Variants in AMDHD2 observed in about 807,000 individuals in gnomAD.
AMDHD2 encodes the protein amidohydrolase domain containing 2.
AMDHD2 carries 24 observed loss-of-function variants against 41.8 expected under a neutral mutation model. That is an observed-to-expected ratio of 0.57 (90% confidence interval 0.42 to 0.81). The LOEUF is 0.81. Ranked by LOEUF, AMDHD2 falls within the 30% of genes least tolerant of loss-of-function variation. The pLI, the probability that AMDHD2 is intolerant of heterozygous loss-of-function variation, is 0.00. For synonymous variants in AMDHD2, 332 were observed against 255.5 expected, an observed-to-expected ratio of 1.30 and a Z score of -2.85; for missense variants, 540 against 588.5, an observed-to-expected ratio of 0.92 and a Z score of 0.85.
chr16:2,529,766 T>A lies in AMDHD2; in HGVS notation c.*203T>A. 1.4e-6 allele frequency: 2 copies of A among 1,430,220 alleles called. No individual in the cohort carries two copies. Among genetic ancestry groups the A allele is most frequent in the East Asian group, 2.5e-5 (1 of 39,898 alleles). The allele number at this position is 1,430,220 out of a possible 1,614,324, so 88.6% of individuals were successfully genotyped here. The stretch of plus-strand genomic sequence containing the variant: ...GCTCCGGGTTTTGCTTGTGCTCACA[T>A]GTGGCACCATCCTTGGTTGCCCTCC... On this transcript the variant is annotated 3_prime_UTR_variant, in exon 11 of 11. Coordinates refer to ENST00000293971, the MANE Select transcript of AMDHD2 (RefSeq NM_001330449.2).
At chr16:2,522,085 G>A (rs991191092) in intron 3 of AMDHD2, among the ~76,000 whole-genome samples, 4 of 151,972 alleles carry the variant, frequency 2.6e-5, no homozygotes, top group Non-Finnish European at 2.9e-5. Flanking sequence ...CGCCCGGCCA[G>A]TTTTTGTTAT....
At position 2,528,144 on chromosome 16, in the gene AMDHD2, T is replaced by C; in HGVS notation, c.713T>C (p.Leu238Pro). Reference protein sequence around the residue: ...TFITHLFNAMLPFHHRDPGIV... With the variant: ...TFITHLFNAMPPFHHRDPGIV... ...ATCACCCACCTCTTCAACGCCATGC[T>C]GCCTGTGAGTGCTATGGGGCCCCAG... The change falls in exon 6 of 11, where the codon CTG becomes CCG. Residue 238 changes from leucine to proline, a missense_variant. Coordinates refer to ENST00000293971, the MANE Select transcript of AMDHD2 (RefSeq NM_001330449.2). 1 of 1,613,024 alleles carries C rather than the reference T, an allele frequency of 6.2e-7. No homozygotes were observed. Among genetic ancestry groups the C allele is most frequent in the Non-Finnish European group, 8.5e-7 (1 of 1,179,838 alleles).
At position 2,529,389 on chromosome 16, in the gene AMDHD2, A is replaced by C. The variant is rs553849116; in HGVS notation, c.1142-86A>C. ...CGTGTCCCTGGGCCTCAGTTTCCCC[A>C]CCAGCGTCGGGTTGTTGGGGAGCAG... On this transcript the variant is annotated intron_variant, in intron 10 of 10. Coordinates refer to ENST00000293971, the MANE Select transcript of AMDHD2 (RefSeq NM_001330449.2). The C allele has an allele frequency of 3.2e-6, 5 of 1,580,900 alleles. No individual in the cohort carries two copies. The South Asian group carries it at 4.5e-5, about 14-fold the overall frequency.
chr16:2,529,050 G>C lies in AMDHD2; in HGVS notation c.1096G>C (p.Gly366Arg). 1 of 1,600,066 alleles carries C rather than the reference G, an allele frequency of 6.2e-7. No homozygotes were observed. The highest frequency in any genetic ancestry group is 8.5e-7 in the Non-Finnish European group (1 of 1,173,996). The change falls in exon 10 of 11, where the codon GGG becomes CGG. Residue 366 changes from glycine (G) to arginine (R), a missense_variant. Coordinates refer to ENST00000293971, the MANE Select transcript of AMDHD2 (RefSeq NM_001330449.2). Reference protein sequence around the residue: ...AASLHPAQLLGLEKSKGTLDF... With the variant: ...AASLHPAQLLRLEKSKGTLDF... ...ATCCCTGCACCCCGCCCAGTTGCTG[G>C]GGCTGGAGAAGAGTAAGGGGACCCT... is the stretch of plus-strand genomic sequence containing the variant.
rs549135607 is a variant in AMDHD2 at position 2,529,574 on chromosome 16, G to T, written c.*11G>T. On this transcript the variant is annotated 3_prime_UTR_variant, in exon 11 of 11. Coordinates refer to ENST00000293971, the MANE Select transcript of AMDHD2 (RefSeq NM_001330449.2). Reference sequence around the variant, plus strand: ...GCAGCTAGGCAGTGACAAGGACCTCGGCTGAGAGGACACCTGGCCGCAGCG... The same window carrying T: ...GCAGCTAGGCAGTGACAAGGACCTCTGCTGAGAGGACACCTGGCCGCAGCG... The T allele has an allele frequency of 1.2e-6, 2 of 1,605,944 alleles. No individual in the cohort carries two copies. Among genetic ancestry groups the T allele is most frequent in the Non-Finnish European group, 1.7e-6 (2 of 1,179,882 alleles).
chr16:2,531,073 T>A lies in AMDHD2; in HGVS notation c.*1510T>A, dbSNP rs1429141876. 9 of 1,584,158 alleles carry A rather than the reference T, an allele frequency of 5.7e-6. No individual in the cohort carries two copies. Among genetic ancestry groups the A allele is most frequent in the Non-Finnish European group, 7.8e-6 (9 of 1,160,884 alleles). On this transcript the variant is annotated 3_prime_UTR_variant, in exon 11 of 11. Transcript: ENST00000293971. ...TGGCTGTCAGTGCTTGATGTGCCCA[T>A]CCTCAGCTAAAACCCAGAGCTGGCA...
rs576590180 is a variant in AMDHD2 at position 2,530,400 on chromosome 16, C to T, written c.*837C>T. On this transcript the variant is annotated 3_prime_UTR_variant, in exon 11 of 11. Coordinates refer to ENST00000293971, the MANE Select transcript of AMDHD2 (RefSeq NM_001330449.2). ...CTGGCACACACCCATGTGGCAAACA[C>T]GGGCCGTGAGGCTCCCTGAACAGCT... is the stretch of plus-strand genomic sequence containing the variant. The T allele has an allele frequency of 7.4e-6, 12 of 1,614,186 alleles. No homozygotes were observed. Among genetic ancestry groups the T allele is most frequent in the South Asian group, 3.3e-5 (3 of 91,086 alleles).
At chr16:2,520,609 GGCGGGGT>G in intron 1 of AMDHD2, 68 bp downstream of exon 1, 1 of 1,104,912 alleles carries the variant, frequency 9.1e-7, no homozygotes, top group East Asian at 3.5e-5. Context: ...CCGGGGACCG[GGCGGGGT>G]GCAGGGTGCG....
chr16:2,526,579 C>T (rs893075777), intron 3 of AMDHD2, among the ~76,000 whole-genome samples: 1 of 151,992 alleles, frequency 6.6e-6, no homozygotes, highest in Non-Finnish European at 1.5e-5. Flanking sequence ...CCTCCAAAGT[C>T]TGGCTGTCTT....
At chr16:2,525,607 C>T (rs762683825) in intron 3 of AMDHD2, among the ~76,000 whole-genome samples, 3 of 152,064 alleles carry the variant, frequency 2.0e-5, no homozygotes, top group African/African-American at 4.8e-5. Flanking sequence ...TGCAGTGGCG[C>T]GATCTCGGCT....
rs111766953 is a variant in AMDHD2, at chr16:2,528,001, G to A, written c.628+16G>A. The A allele has an allele frequency of 1.7e-5, 28 of 1,608,212 alleles. No individual in the cohort carries two copies. The highest frequency in any genetic ancestry group is 6.7e-5 in the Admixed American group (4 of 59,958). Reference sequence around the variant, plus strand: ...GTGTCCCTAGGTGAGGGGCCGGCTCGGGGTGGGCCTGCTTGGGGGACCTGG... The same window carrying A: ...GTGTCCCTAGGTGAGGGGCCGGCTCAGGGTGGGCCTGCTTGGGGGACCTGG... On this transcript the variant is annotated intron_variant, in intron 5 of 10. Coordinates refer to ENST00000293971, the MANE Select transcript of AMDHD2 (RefSeq NM_001330449.2).
intron 1 of AMDHD2, 108 bp from the exon 2 acceptor site, chr16:2,520,661 C>T: frequency 1.5e-6 from 2 of 1,293,212 alleles, no homozygotes; most frequent in East Asian, 3.2e-5. Context: ...GGGTGCGGGG[C>T]CGGGGACCGG....
rs75801560 is a variant in AMDHD2 at position 2,531,079 on chromosome 16, G to A, written c.*1516G>A. 8.0e-3 allele frequency: 12,607 copies of A among 1,580,732 alleles called. 856 individuals carry two copies. The African/African-American group carries it at 0.15, about 19-fold the overall frequency. On this transcript the variant is annotated 3_prime_UTR_variant, in exon 11 of 11. Coordinates refer to ENST00000293971, the MANE Select transcript of AMDHD2 (RefSeq NM_001330449.2). ...TCAGTGCTTGATGTGCCCATCCTCA[G>A]CTAAAACCCAGAGCTGGCATGTTGG...
chr16:2,521,532 C>A (rs139264754), intron 3 of AMDHD2, among the ~76,000 whole-genome samples: 1 of 152,180 alleles, frequency 6.6e-6, no homozygotes, highest in African/African-American at 2.4e-5. Flanking sequence ...CTCAGTGGAA[C>A]ACGCCTTCCA....
intron 3 of AMDHD2, among the ~76,000 whole-genome samples, chr16:2,522,958 C>G (rs1008197901): frequency 4.0e-5 from 6 of 151,632 alleles, no homozygotes; most frequent in African/African-American, 1.2e-4. Context: ...ATTCTCCTGC[C>G]TCAGTCGCCC....
chr16:2,521,170 C>G, intron 3 of AMDHD2, 47 bp downstream of exon 3: 1 of 1,501,700 alleles, frequency 6.7e-7, no homozygotes, highest in Non-Finnish European at 8.9e-7. Flanking sequence ...CCCGGAGCAA[C>G]CAGCGCCCTC....
chr16:2,527,937 C>G lies in AMDHD2; in HGVS notation c.580C>G (p.His194Asp). 1 of 1,599,800 alleles carries G rather than the reference C, an allele frequency of 6.3e-7. No homozygotes were observed. The highest frequency in any genetic ancestry group is 8.5e-7 in the Non-Finnish European group (1 of 1,178,922). The change falls in exon 5 of 11, where the codon CAC (histidine) becomes GAC (aspartate). Residue 194 changes from histidine to aspartate, a missense_variant. Physicochemically the swap from His to Asp is moderately conservative, Grantham distance 81. Transcript: ENST00000293971. This position sits in a 1 kb window ranked among gnomAD's most constrained non-coding sequence, Gnocchi z 6.1. ...GCTGGCCCCAGAGTTGGGCCGTAGCCACGAAGTGATCCGGGCGCTGACGGC... is the reference window on the plus strand; with the variant it reads ...GCTGGCCCCAGAGTTGGGCCGTAGCGACGAAGTGATCCGGGCGCTGACGGC... ...VTLAPELGRS[H>D]EVIRALTARG...
intron 8 of AMDHD2, 41 bp downstream of exon 8, chr16:2,528,600 A>C: frequency 6.2e-7 from 1 of 1,612,802 alleles, no homozygotes; most frequent in Non-Finnish European, 8.5e-7. Context: ...CCCAGCCCGC[A>C]TGCCAGGTGG....
In AMDHD2 at chr16:2,529,593, C is replaced by G; in HGVS notation, c.*30C>G. Reference sequence around the variant, plus strand: ...GACCTCGGCTGAGAGGACACCTGGCCGCAGCGGGATGCCATCAGGGCCGGG... The same window carrying G: ...GACCTCGGCTGAGAGGACACCTGGCGGCAGCGGGATGCCATCAGGGCCGGG... On this transcript the variant is annotated 3_prime_UTR_variant, in exon 11 of 11. Coordinates refer to ENST00000293971, the MANE Select transcript of AMDHD2 (RefSeq NM_001330449.2). 3 of 1,603,670 alleles carry G rather than the reference C, an allele frequency of 1.9e-6. No homozygotes were observed. The highest frequency in any genetic ancestry group is 2.5e-6 in the Non-Finnish European group (3 of 1,179,720).
Sources: gnomAD v4.1 joint callset for allele counts (sites outside exome capture counted in the v4.1 genomes callset) on GRCh38, gnomAD v4.1.1 for gene constraint, Gnocchi (gnomAD v3.1) non-coding constraint, MANE v1.5 for transcripts, NCBI Gene and HGNC (gene_info 2026-07-23, HGNC 2026-07-21) for gene names.